GNA14: variants seen among roughly 807,000 people sequenced by gnomAD.
The protein encoded by GNA14 is guanine nucleotide-binding protein subunit alpha-14.
A neutral mutation model predicts 42.0 loss-of-function variants in GNA14; 50 were observed. That is an observed-to-expected ratio of 1.19 (90% CI 0.95 to 1.51). GNA14 has a LOEUF of 1.51. Ranked by LOEUF, GNA14 falls within the 40% of genes most tolerant of loss-of-function variation. GNA14 has a pLI of 0.00. For missense variants in GNA14, 473 were observed against 446.2 expected (o/e 1.06, Z -0.54); for synonymous variants, 173 against 163.1 (o/e 1.06, Z -0.46).
At position 77,438,048 on chromosome 9, in the gene GNA14, T is replaced by C. The variant is rs530814860; in HGVS notation, c.310-3526A>G. 1.5e-4 allele frequency among the ~76,000 whole-genome samples: 23 copies of C among 152,272 alleles called. No individual in the cohort carries two copies. In the South Asian group the frequency reaches 4.6e-3, roughly 30 times the overall value. On this transcript the variant is annotated intron_variant, in intron 2 of 6. Transcript: ENST00000341700. The stretch of plus-strand genomic sequence containing the variant: ...GAAAAATGGGGAGTAGATATAGATA[T>C]GACCTCTCAGGTCACCGGGAGACCT...
intron 1 of GNA14, among the ~76,000 whole-genome samples, chr9:77,641,165 G>A (rs1254423801): frequency 7.8e-6 from 1 of 128,302 alleles, no homozygotes; most frequent in African/African-American, 2.8e-5. Flanking sequence ...AGGAAGGAAG[G>A]AAGGAAGGAA....
intron 1 of GNA14, among the ~76,000 whole-genome samples, chr9:77,579,175 C>T (rs1394428588): frequency 6.6e-6 from 1 of 152,128 alleles, no homozygotes; most frequent in East Asian, 1.9e-4. Context: ...TGTGACTGGC[C>T]CTCAGGCACT....
At chr9:77,465,485 T>C (rs2131716609) in intron 2 of GNA14, among the ~76,000 whole-genome samples, 1 of 152,344 alleles carries the variant, frequency 6.6e-6, no homozygotes, top group South Asian at 2.1e-4. Flanking sequence ...TGTGCGGCTG[T>C]GTGTTTTCAT....
chr9:77,486,775 T>C (rs951929725), intron 2 of GNA14, among the ~76,000 whole-genome samples: 2 of 152,186 alleles, frequency 1.3e-5, no homozygotes, highest in Non-Finnish European at 2.9e-5. Context: ...AGAACATATA[T>C]ACACAATGTT....
At chr9:77,546,932 T>C (rs982905066) in intron 1 of GNA14, among the ~76,000 whole-genome samples, 4 of 152,236 alleles carry the variant, frequency 2.6e-5, no homozygotes, top group African/African-American at 9.6e-5. Context: ...GAGGTAATTA[T>C]CGATAGCATC....
chr9:77,591,679 C>T (rs952730099), intron 1 of GNA14, among the ~76,000 whole-genome samples: 6 of 152,204 alleles, frequency 3.9e-5, no homozygotes, highest in African/African-American at 1.2e-4. Flanking sequence ...TTTGATCAAA[C>T]ATGTCTCTTA....
intron 1 of GNA14, among the ~76,000 whole-genome samples, chr9:77,628,224 G>A (rs1009512390): frequency 1.4e-4 from 21 of 152,278 alleles, no homozygotes; most frequent in Middle Eastern, 3.4e-3. Context: ...ACAAACCACT[G>A]CTCAAGGAAA....
chr9:77,508,196 TAAGA>T (rs1837101505), intron 2 of GNA14, among the ~76,000 whole-genome samples: 1 of 152,264 alleles, frequency 6.6e-6, no homozygotes, highest in Admixed American at 6.5e-5. Context: ...TTCTACCCAC[TAAGA>T]AAGAAAATAC....
chr9:77,475,514 C>T lies in GNA14; in HGVS notation c.310-40992G>A, dbSNP rs527418087. Reference sequence around the variant, plus strand: ...CCCTAGGAGAATGGCTCTGGTCCTTCGGTAAAACAGTAGAGAGAGCTGGGG... The same window carrying T: ...CCCTAGGAGAATGGCTCTGGTCCTTTGGTAAAACAGTAGAGAGAGCTGGGG... On this transcript the variant is annotated intron_variant, in intron 2 of 6. Transcript: ENST00000341700. 3.8e-4 allele frequency among the ~76,000 whole-genome samples: 58 copies of T among 152,158 alleles called. 4 individuals are homozygous for T. In the South Asian group the frequency reaches 0.011, roughly 28 times the overall value.
At chr9:77,586,430 A>G (rs1333209763) in intron 1 of GNA14, among the ~76,000 whole-genome samples, 1 of 152,218 alleles carries the variant, frequency 6.6e-6, no homozygotes, top group East Asian at 1.9e-4. Flanking sequence ...AAATGAAAAT[A>G]CAATTCAGAG....
chr9:77,644,353 C>T (rs950419201), intron 1 of GNA14, among the ~76,000 whole-genome samples: 1 of 140,010 alleles, frequency 7.1e-6, no homozygotes, highest in East Asian at 2.3e-4. Flanking sequence ...ACTAGGGAGG[C>T]TGAGGTGGGA....
At position 77,537,334 on chromosome 9, in the gene GNA14, T is replaced by C. The variant is rs374028236; in HGVS notation, c.125-8081A>G. 2.2e-4 allele frequency among the ~76,000 whole-genome samples: 33 copies of C among 152,268 alleles called. No individual in the cohort carries two copies. In the East Asian group the frequency reaches 4.2e-3, roughly 20 times the overall value. Reference sequence around the variant, plus strand: ...CCTATGAGTGAGAACATGCAGTACCTGCCTTGTTTTGCCTGGCTTATCCCA... The same window carrying C: ...CCTATGAGTGAGAACATGCAGTACCCGCCTTGTTTTGCCTGGCTTATCCCA... On this transcript the variant is annotated intron_variant, in intron 1 of 6. Coordinates refer to ENST00000341700, the MANE Select transcript of GNA14 (RefSeq NM_004297.4).
At chr9:77,461,602 C>T (rs1836107742) in intron 2 of GNA14, among the ~76,000 whole-genome samples, 1 of 152,124 alleles carries the variant, frequency 6.6e-6, no homozygotes, top group South Asian at 2.1e-4. Flanking sequence ...GATCCTATAC[C>T]ATGATCCTAT....
At chr9:77,428,095 T>TTTTTTTTC in intron 5 of GNA14, among the ~76,000 whole-genome samples, 1 of 149,024 alleles carries the variant, frequency 6.7e-6, no homozygotes, top group African/African-American at 2.5e-5. Flanking sequence ...TTTTTTTTTT[T>TTTTTTTTC]TGAGATGGAG....
intron 1 of GNA14, among the ~76,000 whole-genome samples, chr9:77,618,607 T>C (rs1266702433): frequency 6.1e-5 from 1 of 16,352 alleles, no homozygotes. Flanking sequence ...TATATATATA[T>C]ATATATATAT....
intron 2 of GNA14, among the ~76,000 whole-genome samples, chr9:77,483,834 C>T (rs971070956): frequency 6.6e-6 from 1 of 152,086 alleles, no homozygotes; most frequent in Non-Finnish European, 1.5e-5. Context: ...GAAGGTATGA[C>T]ATTCTTTGAG....
At chr9:77,445,502 C>T (rs970664266) in intron 2 of GNA14, among the ~76,000 whole-genome samples, 1 of 140,098 alleles carries the variant, frequency 7.1e-6, no homozygotes, top group Non-Finnish European at 1.5e-5. Flanking sequence ...CATTTGAAGC[C>T]AGAAGTCCAA....
In GNA14 at chr9:77,566,360, G is replaced by A. The variant is rs191435647; in HGVS notation, c.125-37107C>T. ...AGTAGAAACAGGGTCTCGCCATGTT[G>A]GTCAAGCTGGTCTCAAACCCCTGGC... is the stretch of plus-strand genomic sequence containing the variant. On this transcript the variant is annotated intron_variant, in intron 1 of 6. Transcript: ENST00000341700. Among the ~76,000 whole-genome samples the A allele has an allele frequency of 3.9e-5, 6 of 151,966 alleles. No individual in the cohort carries two copies. The East Asian group carries it at 1.2e-3, about 29-fold the overall frequency.
chr9:77,447,233 C>A (rs565916736), intron 2 of GNA14, among the ~76,000 whole-genome samples: 6 of 152,298 alleles, frequency 3.9e-5, no homozygotes, highest in East Asian at 1.9e-4. Context: ...CGTGAGCCAC[C>A]ATGCCCAGCC....
Sources: gnomAD v4.1 joint callset for allele counts (sites outside exome capture counted in the v4.1 genomes callset) on GRCh38, gnomAD v4.1.1 for gene constraint, MANE v1.5 for transcripts, NCBI Gene and HGNC (gene_info 2026-07-23, HGNC 2026-07-21) for gene names.